The following CHODL variants were observed in gnomAD, a reference collection of about 807,000 sequenced individuals.
CHODL encodes transmembrane protein MT75.
In CHODL, 29 loss-of-function variants were observed where a neutral mutation model predicts 34.5. That is an observed-to-expected ratio of 0.84 (90% CI 0.63 to 1.15). The LOEUF (loss-of-function observed/expected upper bound fraction) is 1.15, where lower values mean the gene tolerates loss of function less well. Ranked by LOEUF, CHODL falls within the 50% of genes most tolerant of loss-of-function variation. CHODL has a pLI of 0.00. For synonymous variants in CHODL, 125 were observed against 116.1 expected (o/e 1.08, Z -0.49); for missense variants, 332 against 332.5 (o/e 1.00, Z 0.01).
At position 18,020,834 on chromosome 21, in the gene CHODL, G is replaced by A. The variant is rs147757606; in HGVS notation, c.-144-7038G>A. Among the ~76,000 whole-genome samples, 499 of 152,264 alleles carry A rather than the reference G, an allele frequency of 3.3e-3. 2 individuals are homozygous for A. The highest frequency in any genetic ancestry group is 5.9e-3 in the Non-Finnish European group (401 of 68,020). ...TTATAAGATAAGATGGCTGGGCATG[G>A]TGGCACATACCTGTAATCCCAGCAT... is the stretch of plus-strand genomic sequence containing the variant. On this transcript the variant is annotated intron_variant, in intron 1 of 6. Coordinates refer to the CHODL transcript ENST00000400127.
At chr21:18,199,830 AGTTT>A (rs1348303188) in intron 2 of CHODL, among the ~76,000 whole-genome samples, 1 of 152,252 alleles carries the variant, frequency 6.6e-6, no homozygotes, top group Admixed American at 6.5e-5. Context: ...TGGATATACC[AGTTT>A]GTTTGTCCAT....
chr21:18,248,744 TA>T (rs2074186493), intron 1 of CHODL, among the ~76,000 whole-genome samples: 2 of 119,548 alleles, frequency 1.7e-5, no homozygotes, highest in African/African-American at 6.9e-5. Flanking sequence ...TATATATGTA[TA>T]ATATATATGT....
At chr21:17,938,011 T>C (rs1328626393) in intron 1 of CHODL, among the ~76,000 whole-genome samples, 1 of 152,244 alleles carries the variant, frequency 6.6e-6, no homozygotes, top group South Asian at 2.1e-4. Context: ...TCTCATTTGG[T>C]ATTGGGCAAG....
chr21:17,933,146 C>T (rs543564484), intron 1 of CHODL, among the ~76,000 whole-genome samples: 2 of 152,298 alleles, frequency 1.3e-5, no homozygotes, highest in South Asian at 2.1e-4. Flanking sequence ...AACATACAAT[C>T]GGGTTTTACA....
At chr21:17,992,349 T>C (rs1394717259) in intron 1 of CHODL, among the ~76,000 whole-genome samples, 4 of 152,188 alleles carry the variant, frequency 2.6e-5, no homozygotes, top group Non-Finnish European at 5.9e-5. Context: ...ATGAAGACTA[T>C]CATTGATATT....
rs1252321785 is a variant in CHODL, at chr21:17,956,196, G to C, written c.-145+38796G>C. Reference sequence around the variant, plus strand: ...GGGTGGGTCCTTCATGAATGATTTGGGTCATCTCCTTGATGACAAGTGAAC... The same window carrying C: ...GGGTGGGTCCTTCATGAATGATTTGCGTCATCTCCTTGATGACAAGTGAAC... On this transcript the variant is annotated intron_variant, in intron 1 of 6. Coordinates refer to the CHODL transcript ENST00000400127. Among the ~76,000 whole-genome samples the C allele has an allele frequency of 5.2e-5, 7 of 135,546 alleles. 2 individuals carry two copies. Among genetic ancestry groups the C allele is most frequent in the Non-Finnish European group, 1.2e-4 (7 of 59,654 alleles). 88.9% of individuals were successfully genotyped at this position (135,546 alleles called of 152,430 possible).
At chr21:18,061,671 A>G (rs892140131) in intron 2 of CHODL, among the ~76,000 whole-genome samples, 8 of 152,226 alleles carry the variant, frequency 5.3e-5, no homozygotes, top group Non-Finnish European at 7.3e-5. Context: ...AGGAAAACAG[A>G]GGGAACACCA....
chr21:18,062,207 C>T (rs2064675797), intron 2 of CHODL, among the ~76,000 whole-genome samples: 1 of 152,004 alleles, frequency 6.6e-6, no homozygotes, highest in African/African-American at 2.4e-5. Context: ...AGGCAACAGC[C>T]CAGACCTTAA....
intron 2 of CHODL, among the ~76,000 whole-genome samples, chr21:18,206,719 TCTC>T (rs1178314437): frequency 6.6e-6 from 1 of 151,882 alleles, no homozygotes; most frequent in Non-Finnish European, 1.5e-5. Context: ...TGTTTTGTGG[TCTC>T]CTCTTCCTTC....
At chr21:18,249,000 TTA>T (rs1180225262) in intron 1 of CHODL, among the ~76,000 whole-genome samples, 1 of 110,406 alleles carries the variant, frequency 9.1e-6, no homozygotes, top group East Asian at 2.3e-4. Flanking sequence ...ATATATGTAT[TTA>T]TATATAATAT....
chr21:17,951,417 A>C (rs2063456513), intron 1 of CHODL, among the ~76,000 whole-genome samples: 1 of 152,214 alleles, frequency 6.6e-6, no homozygotes, highest in Non-Finnish European at 1.5e-5. Flanking sequence ...ATCAAACTTC[A>C]ATACTGAGAG....
chr21:18,111,995 T>A lies in CHODL; in HGVS notation c.-45+84024T>A, dbSNP rs1038120089. 3.9e-5 allele frequency among the ~76,000 whole-genome samples: 6 copies of A among 152,326 alleles called. No individual in the cohort carries two copies. In the East Asian group the frequency reaches 1.2e-3, roughly 29 times the overall value. On this transcript the variant is annotated intron_variant, in intron 2 of 6. Coordinates refer to the CHODL transcript ENST00000400127. Reference sequence around the variant, plus strand: ...AGCCAACTATATAATCATATATTCCTTTATGCAAAAACATTTATTGAACAT... The same window carrying A: ...AGCCAACTATATAATCATATATTCCATTATGCAAAAACATTTATTGAACAT...
intron 2 of CHODL, among the ~76,000 whole-genome samples, chr21:18,078,691 A>G (rs2064897054): frequency 6.6e-6 from 1 of 152,196 alleles, no homozygotes; most frequent in Non-Finnish European, 1.5e-5. Context: ...AACACAAATG[A>G]CCATAGATTT....
chr21:18,163,534 C>T (rs2073120495), intron 2 of CHODL, among the ~76,000 whole-genome samples: 1 of 151,998 alleles, frequency 6.6e-6, no homozygotes, highest in Non-Finnish European at 1.5e-5. Context: ...GACCAAAATT[C>T]TAGTAGGTTC....
At chr21:17,919,672 T>C (rs2063168946) in intron 1 of CHODL, among the ~76,000 whole-genome samples, 1 of 152,196 alleles carries the variant, frequency 6.6e-6, no homozygotes, top group South Asian at 2.1e-4. Context: ...GATTAACATT[T>C]GGCTCCTTGT....
chr21:17,961,937 T>C (rs1294762242), intron 1 of CHODL, among the ~76,000 whole-genome samples: 1 of 152,156 alleles, frequency 6.6e-6, no homozygotes, highest in African/African-American at 2.4e-5. Flanking sequence ...CAGTCTTTAA[T>C]GTGGCCACAT....
intron 2 of CHODL, among the ~76,000 whole-genome samples, chr21:18,144,251 A>G (rs1263232554): frequency 6.6e-6 from 1 of 152,102 alleles, no homozygotes; most frequent in African/African-American, 2.4e-5. Context: ...ATATTTGAAA[A>G]TTATTATATT....
intron 2 of CHODL, among the ~76,000 whole-genome samples, chr21:18,177,861 G>A (rs2073335631): frequency 6.6e-6 from 1 of 152,006 alleles, no homozygotes; most frequent in African/African-American, 2.4e-5. Flanking sequence ...ACATTTTCAG[G>A]AATAAACTTG....
chr21:18,127,935 G>A (rs1490193531), intron 2 of CHODL, among the ~76,000 whole-genome samples: 1 of 151,886 alleles, frequency 6.6e-6, no homozygotes, highest in Non-Finnish European at 1.5e-5. Flanking sequence ...AGAGAAAGTG[G>A]TGGAAAGGGT....
Sources: gnomAD v4.1 joint callset for allele counts (sites outside exome capture counted in the v4.1 genomes callset) on GRCh38, gnomAD v4.1.1 for gene constraint, MANE v1.5 for transcripts, NCBI Gene and HGNC (gene_info 2026-07-23, HGNC 2026-07-21) for gene names.